CNOT9: variants seen among roughly 807,000 people sequenced by gnomAD.
CNOT9 encodes the protein CCR4-NOT transcription complex subunit 9.
Under a neutral mutation model 37.4 loss-of-function variants are expected in CNOT9, and 8 were observed. That is an observed-to-expected ratio of 0.21 (90% CI 0.13 to 0.39). The LOEUF (loss-of-function observed/expected upper bound fraction) is 0.39, where lower values mean the gene tolerates loss of function less well. Ranked by LOEUF, CNOT9 falls within the 10% of genes least tolerant of loss-of-function variation. CNOT9 has a pLI of 1.00. For synonymous variants in CNOT9, 120 were observed against 137.6 expected (o/e 0.87, Z 0.90); for missense variants, 154 against 365.3 (o/e 0.42, Z 4.71).
At chr2:218,581,170 CTT>C (rs5838702) in intron 2 of CNOT9, 4,450 of 241,474 alleles carry the variant, frequency 0.018, no homozygotes, top group South Asian at 0.033. Context: ...GTTTGTTTTT[CTT>C]TTTTTTTTTT....
chr2:218,571,392 A>G (rs1693987144), intron 1 of CNOT9, among the ~76,000 whole-genome samples: 3 of 152,064 alleles, frequency 2.0e-5, no homozygotes, highest in African/African-American at 7.2e-5. Context: ...TGGCCACTGG[A>G]CTCCAGCTTG....
At chr2:218,576,044 G>A (rs1694155653) in intron 1 of CNOT9, among the ~76,000 whole-genome samples, 1 of 152,134 alleles carries the variant, frequency 6.6e-6, no homozygotes, top group Admixed American at 6.6e-5. Context: ...CCACCATGTT[G>A]TGATCATTAA....
At position 218,596,775 on chromosome 2, in the gene CNOT9, T is replaced by C. The variant is rs1694935178; in HGVS notation, c.*2499T>C. 1 of 152,228 alleles carries C rather than the reference T, an allele frequency of 6.6e-6. No homozygotes were observed. The highest frequency in any genetic ancestry group is 2.4e-5 in the African/African-American group (1 of 41,454). The allele number at this position is 152,228 out of a possible 1,614,324, so 9.4% of individuals were successfully genotyped here. Reference sequence around the variant, plus strand: ...GACTTCCATAGTGACAAGGTAATGCTTGAAACATCTTACGAACTTTGATGT... The same window carrying C: ...GACTTCCATAGTGACAAGGTAATGCCTGAAACATCTTACGAACTTTGATGT... On this transcript the variant is annotated 3_prime_UTR_variant, in exon 8 of 8. Coordinates refer to ENST00000273064, the MANE Select transcript of CNOT9 (RefSeq NM_005444.3).
At position 218,568,850 on chromosome 2, in the gene CNOT9, G is replaced by A. The variant is rs575870129; in HGVS notation, c.-105G>A. ...GAAGTGGGCGGAGCGAGCCGGAGTC[G>A]GATGGCGGCTACGGCGGCTCATTGT... On this transcript the variant is annotated 5_prime_UTR_variant, in exon 1 of 8. Transcript: ENST00000273064. The A allele has an allele frequency of 2.2e-6, 3 of 1,350,440 alleles. No individual in the cohort carries two copies. The highest frequency in any genetic ancestry group is 2.9e-5 in the African/African-American group (2 of 68,988). 83.7% of individuals were successfully genotyped at this position (1,350,440 alleles called of 1,614,324 possible).
chr2:218,588,588 CTTTTTTTT>C (rs1172484260), intron 5 of CNOT9, among the ~76,000 whole-genome samples: 13 of 33,452 alleles, frequency 3.9e-4, no homozygotes, highest in South Asian at 4.2e-3. Context: ...TCCACCCGGC[CTTTTTTTT>C]TTTTTTTTTT....
At position 218,587,583 on chromosome 2, in the gene CNOT9, T is replaced by A; in HGVS notation, c.431-3T>A. ...TAATTTTGTTTGTCCTTATTTTCTTTAGGGGCCCTGGTGAAAACAGATGAA... is the reference window on the plus strand; with the variant it reads ...TAATTTTGTTTGTCCTTATTTTCTTAAGGGGCCCTGGTGAAAACAGATGAA... On this transcript the variant is annotated splice_polypyrimidine_tract_variant and splice_region_variant and intron_variant, in intron 4 of 7. Transcript: ENST00000273064. 6.3e-7 allele frequency: 1 copy of A among 1,581,224 alleles called. No homozygotes were observed. The highest frequency in any genetic ancestry group is 8.6e-7 in the Non-Finnish European group (1 of 1,163,948).
rs1355343793 is a variant in CNOT9 at position 218,580,544 on chromosome 2, C to T, written c.25-17C>T. ...ACTCTAATAAACTGATATTTACTTT[C>T]TTGTCTTCATCTGAAGCCTGTGCCT... On this transcript the variant is annotated splice_polypyrimidine_tract_variant and intron_variant, in intron 1 of 7. Transcript: ENST00000273064. The T allele has an allele frequency of 6.3e-7, 1 of 1,584,942 alleles. No individual in the cohort carries two copies.
chr2:218,595,242 A>G lies in CNOT9; in HGVS notation c.*966A>G, dbSNP rs2106102519. On this transcript the variant is annotated 3_prime_UTR_variant, in exon 8 of 8. Transcript: ENST00000273064. ...TATTTTCTCAATAACTCTAAAAGGGAGGTGCTTGGGATTAAGGTGACAGTC... is the reference window on the plus strand; with the variant it reads ...TATTTTCTCAATAACTCTAAAAGGGGGGTGCTTGGGATTAAGGTGACAGTC... 6.6e-6 allele frequency: 1 copy of G among 152,060 alleles called. No individual in the cohort carries two copies. The highest frequency in any genetic ancestry group is 6.6e-5 in the Admixed American group (1 of 15,262). The allele number at this position is 152,060 out of a possible 1,614,324, so 9.4% of individuals were successfully genotyped here.
At chr2:218,591,368 A>G (rs1249614417) in intron 5 of CNOT9, among the ~76,000 whole-genome samples, 1 of 152,262 alleles carries the variant, frequency 6.6e-6, no homozygotes, top group Non-Finnish European at 1.5e-5. Context: ...CTTCACAGCC[A>G]GGATATGTTT....
intron 1 of CNOT9, among the ~76,000 whole-genome samples, chr2:218,574,739 G>T (rs1694109834): frequency 6.6e-6 from 1 of 152,162 alleles, no homozygotes; most frequent in African/African-American, 2.4e-5. Flanking sequence ...TCTGGAAAAG[G>T]CAGACCTAAT....
chr2:218,576,949 A>G (rs1694190096), intron 1 of CNOT9, among the ~76,000 whole-genome samples: 2 of 146,878 alleles, frequency 1.4e-5, no homozygotes, highest in Admixed American at 7.0e-5. Flanking sequence ...CCTGGGAGAC[A>G]GAGTGAGGCT....
rs1160297119 is a variant in CNOT9 at position 218,596,336 on chromosome 2, G to T, written c.*2060G>T. 6.6e-6 allele frequency: 1 copy of T among 152,174 alleles called. No individual in the cohort carries two copies. The highest frequency in any genetic ancestry group is 1.5e-5 in the Non-Finnish European group (1 of 68,040). 9.4% of individuals were successfully genotyped at this position (152,174 alleles called of 1,614,324 possible). A position where few individuals can be genotyped will look rare whatever the true frequency, so the allele number is the denominator to read the frequency against. ...TTCATTGTAGTTGATCCTGGTGTGT[G>T]TATTATATAAAGAGACCCCTCCCCT... On this transcript the variant is annotated 3_prime_UTR_variant, in exon 8 of 8. Coordinates refer to ENST00000273064, the MANE Select transcript of CNOT9 (RefSeq NM_005444.3).
rs774747597 is a variant in CNOT9, at chr2:218,594,197, G to A, written c.821G>A (p.Arg274His). 2 of 1,614,228 alleles carry A rather than the reference G, an allele frequency of 1.2e-6. No individual in the cohort carries two copies. Among genetic ancestry groups the A allele is most frequent in the Non-Finnish European group, 1.7e-6 (2 of 1,180,034 alleles). ...QVLKDDTTTKRWLAQLVKNLQ... is the reference protein window; with the variant it reads ...QVLKDDTTTKHWLAQLVKNLQ... ...CTAAAAGATGACACCACCACGAAACGCTGGCTTGCACAACTGGTGAAGAAC... is the reference window on the plus strand; with the variant it reads ...CTAAAAGATGACACCACCACGAAACACTGGCTTGCACAACTGGTGAAGAAC... Residue 274 changes from arginine (R) to histidine (H), a missense_variant, in exon 8 of 8, where the codon CGC (arginine) becomes CAC (histidine). Around this residue, in one of 2 missense-constraint regions of CNOT9, gnomAD observed 117 missense variants for 325.4 expected, o/e 0.36. Transcript: ENST00000273064.
At position 218,568,923 on chromosome 2, in the gene CNOT9, G is replaced by C; in HGVS notation, c.-32G>C. The C allele has an allele frequency of 5.6e-6, 9 of 1,604,884 alleles. No individual in the cohort carries two copies. The highest frequency in any genetic ancestry group is 7.7e-6 in the Non-Finnish European group (9 of 1,175,478). ...GGGGGGACGCGGGTCGGACGCGTCC[G>C]GCTGTGGAAGAGAGCGGCGGCCGCT... On this transcript the variant is annotated 5_prime_UTR_variant, in exon 1 of 8. Transcript: ENST00000273064.
At position 218,583,045 on chromosome 2, in the gene CNOT9, T is replaced by G. The variant is rs1416027921; in HGVS notation, c.279T>G (p.Ala93=). 4 of 1,614,028 alleles carry G rather than the reference T, an allele frequency of 2.5e-6. No homozygotes were observed. The South Asian group carries it at 4.4e-5, about 18-fold the overall frequency. ...TAHQSNRVCN[A]LALLQCVASH... is the part of the protein sequence containing the mutation. ...ACCAGTCTAACAGAGTTTGCAATGCTCTGGCATTACTGCAATGTGTAGCAT... is the reference window on the plus strand; with the variant it reads ...ACCAGTCTAACAGAGTTTGCAATGCGCTGGCATTACTGCAATGTGTAGCAT... Residue 93 remains alanine, a synonymous_variant, in exon 3 of 8, where the codon GCT becomes GCG. Transcript: ENST00000273064.
intron 3 of CNOT9, among the ~76,000 whole-genome samples, 196 bp from the exon 4 acceptor site, chr2:218,584,416 C>T (rs1383420571): frequency 6.6e-6 from 1 of 152,194 alleles, no homozygotes; most frequent in Non-Finnish European, 1.5e-5. Flanking sequence ...GACATTGCCA[C>T]ATGTCCTCCA....
At chr2:218,578,431 A>T (rs781081925) in intron 1 of CNOT9, among the ~76,000 whole-genome samples, 1 of 152,238 alleles carries the variant, frequency 6.6e-6, no homozygotes, top group Non-Finnish European at 1.5e-5. Context: ...TCTTCAACAA[A>T]GGCAGTTCTT....
At position 218,592,338 on chromosome 2, in the gene CNOT9, A is replaced by G; in HGVS notation, c.575A>G (p.Asp192Gly). 1 of 1,614,104 alleles carries G rather than the reference A, an allele frequency of 6.2e-7. No individual in the cohort carries two copies. Among genetic ancestry groups the G allele is most frequent in the Non-Finnish European group, 8.5e-7 (1 of 1,179,970 alleles). Residue 192 changes from aspartate (D) to glycine (G), a missense_variant, in exon 6 of 8, where the codon GAT (aspartate) becomes GGT (glycine). Around this residue, in one of 2 missense-constraint regions of CNOT9, gnomAD observed 117 missense variants for 325.4 expected, o/e 0.36. Transcript: ENST00000273064. This position sits in a 1 kb window ranked among gnomAD's most constrained non-coding sequence, Gnocchi z 4.1. ...TTCATCCTCCAGAAGATCTTGTTAGATGACACTGGTTTGGCTTATATATGT... is the reference window on the plus strand; with the variant it reads ...TTCATCCTCCAGAAGATCTTGTTAGGTGACACTGGTTTGGCTTATATATGT... ...ATFILQKILLDDTGLAYICQT... is the reference protein window; with the variant it reads ...ATFILQKILLGDTGLAYICQT...
In CNOT9 at chr2:218,592,848, T is replaced by C. The variant is rs922766239; in HGVS notation, c.731+141T>C. 10 of 663,600 alleles carry C rather than the reference T, an allele frequency of 1.5e-5. No homozygotes were observed. Among genetic ancestry groups the C allele is most frequent in the Non-Finnish European group, 2.6e-5 (10 of 386,882 alleles). The allele number at this position is 663,600 out of a possible 1,614,324, so 41.1% of individuals were successfully genotyped here. ...TAGTTTGTCTGAGACAGAACTTAGATTCTTTTAAAAATCTGAAATGCTGAA... is the reference window on the plus strand; with the variant it reads ...TAGTTTGTCTGAGACAGAACTTAGACTCTTTTAAAAATCTGAAATGCTGAA... On this transcript the variant is annotated intron_variant, in intron 7 of 7. Transcript: ENST00000273064. This position sits in a 1 kb window ranked among gnomAD's most constrained non-coding sequence, Gnocchi z 4.1.
Sources: allele counts gnomAD v4.1 joint callset (sites outside exome capture counted in the v4.1 genomes callset), GRCh38; gene constraint gnomAD v4.1.1; regional missense constraint gnomAD v4.1.1; non-coding constraint Gnocchi (gnomAD v3.1); transcripts MANE v1.5; gene names NCBI Gene and HGNC (gene_info 2026-07-23, HGNC 2026-07-21).